C12orf42: variants seen among roughly 807,000 people sequenced by gnomAD.
C12orf42 encodes the protein chromosome 12 open reading frame 42, also known as uncharacterized protein C12orf42.
C12orf42 carries 25 observed loss-of-function variants against 21.6 expected under a neutral mutation model. The ratio of observed to expected loss-of-function variants is 1.16; its 90% CI spans 0.84 to 1.62. The LOEUF is 1.62. Among genes scored for constraint, C12orf42 ranks in the 40% most tolerant of loss-of-function variants. The pLI is 0.00. For missense variants in C12orf42, 483 were observed against 459.3 expected (o/e 1.05, Z -0.47); for synonymous variants, 174 against 175.0 (o/e 0.99, Z 0.05).
intron 3 of C12orf42, among the ~76,000 whole-genome samples, chr12:103,390,871 T>C (rs1008885445): frequency 2.6e-5 from 4 of 152,192 alleles, no homozygotes; most frequent in African/African-American, 9.7e-5. Flanking sequence ...CCCACCCCCA[T>C]TGATAAGGAC....
At chr12:103,456,625 A>C (rs181370759) in intron 2 of C12orf42, among the ~76,000 whole-genome samples, 1 of 152,296 alleles carries the variant, frequency 6.6e-6, no homozygotes, top group East Asian at 1.9e-4. Context: ...TTATTAGCAA[A>C]ATATAAAGTA....
chr12:103,227,155 G>A, the C12orf42 span, among the ~76,000 whole-genome samples: 1 of 152,052 alleles, frequency 6.6e-6, no homozygotes, highest in East Asian at 1.9e-4. Context: ...TTGGAAGGCT[G>A]CCCATAGTGA....
chr12:103,146,155 T>C, the C12orf42 span, among the ~76,000 whole-genome samples: 2 of 152,092 alleles, frequency 1.3e-5, no homozygotes, highest in African/African-American at 4.8e-5. Flanking sequence ...AATTAAAACA[T>C]AATAAAAGTT....
At chr12:103,110,584 C>CT in the C12orf42 span, among the ~76,000 whole-genome samples, 67 of 152,020 alleles carry the variant, frequency 4.4e-4, no homozygotes, top group Non-Finnish European at 8.4e-4. Flanking sequence ...ACTTTCTGAG[C>CT]TTTTTTTAAG....
At chr12:103,333,888 C>A (rs1443506784) in intron 4 of C12orf42, among the ~76,000 whole-genome samples, 2 of 152,200 alleles carry the variant, frequency 1.3e-5, no homozygotes, top group Non-Finnish European at 2.9e-5. Context: ...AGACCATGAA[C>A]AATGCCTCAT....
chr12:103,100,124 C>T, the C12orf42 span, among the ~76,000 whole-genome samples: 1 of 152,352 alleles, frequency 6.6e-6, no homozygotes, highest in South Asian at 2.1e-4. Context: ...GTACTGTTCT[C>T]TGTCTGTTCA....
At chr12:103,201,609 A>T in the C12orf42 span, among the ~76,000 whole-genome samples, 1 of 152,174 alleles carries the variant, frequency 6.6e-6, no homozygotes, top group Non-Finnish European at 1.5e-5. Flanking sequence ...GTCAAGGTTG[A>T]GTTCTTCAGC....
chr12:103,447,286 T>C lies in C12orf42; in HGVS notation c.78+31063A>G, dbSNP rs183629778. Among the ~76,000 whole-genome samples the C allele has an allele frequency of 1.1e-4, 17 of 151,640 alleles. No individual in the cohort carries two copies. In the East Asian group the frequency reaches 2.1e-3, roughly 19 times the overall value. On this transcript the variant is annotated intron_variant, in intron 2 of 5. Transcript: ENST00000548883. The stretch of plus-strand genomic sequence containing the variant: ...CACTGGGTCAACAATGAAATCAAGA[T>C]GGAAGGTAAGGTAATAAAAGCCATC...
chr12:103,148,886 C>T, the C12orf42 span, among the ~76,000 whole-genome samples: 1 of 152,082 alleles, frequency 6.6e-6, no homozygotes, highest in African/African-American at 2.4e-5. Flanking sequence ...GTATATGCAT[C>T]CAGAAAATTA....
the C12orf42 span, among the ~76,000 whole-genome samples, chr12:103,139,109 CAAAA>C: frequency 4.6e-5 from 7 of 152,222 alleles, no homozygotes; most frequent in East Asian, 1.2e-3. Flanking sequence ...TACTAACAAA[CAAAA>C]AGAAATAATA....
Position 103,378,119 on chromosome 12 carries a change from A to C in C12orf42, c.148-9121T>G, listed in dbSNP as rs6539071. Among the ~76,000 whole-genome samples the C allele has an allele frequency of 6.3e-3, 960 of 152,078 alleles. 12 individuals carry two copies. The highest frequency in any genetic ancestry group is 0.021 in the African/African-American group (878 of 41,488). On this transcript the variant is annotated intron_variant, in intron 3 of 5. Coordinates refer to ENST00000548883, the MANE Select transcript of C12orf42 (RefSeq NM_198521.5). ...GACCTGGCTATTCCAGCTCCTACAC[A>C]ACCACCAAAAGGACTCAATAAATTT...
At chr12:103,226,480 A>T in the C12orf42 span, among the ~76,000 whole-genome samples, 1 of 152,176 alleles carries the variant, frequency 6.6e-6, no homozygotes, top group South Asian at 2.1e-4. Flanking sequence ...ACTGGGCTGG[A>T]TTTTTATATT....
At chr12:103,135,984 C>A in the C12orf42 span, among the ~76,000 whole-genome samples, 1 of 152,086 alleles carries the variant, frequency 6.6e-6, no homozygotes, top group African/African-American at 2.4e-5. Context: ...AGTCTTTCCT[C>A]TAAGATCTGA....
At chr12:103,050,040 G>A in the C12orf42 span, among the ~76,000 whole-genome samples, 1 of 152,146 alleles carries the variant, frequency 6.6e-6, no homozygotes, top group African/African-American at 2.4e-5. Flanking sequence ...TACATCAGAG[G>A]AGAGACTTTG....
At chr12:103,190,519 T>C in the C12orf42 span, among the ~76,000 whole-genome samples, 7 of 152,094 alleles carry the variant, frequency 4.6e-5, no homozygotes, top group African/African-American at 1.4e-4. Context: ...TGGACATATA[T>C]CAATCCAAGC....
chr12:103,423,481 G>T (rs765886150), intron 2 of C12orf42, among the ~76,000 whole-genome samples: 19 of 152,288 alleles, frequency 1.2e-4, no homozygotes, highest in Non-Finnish European at 2.5e-4. Context: ...AGATAAGTGG[G>T]TTTTCTCTCC....
At chr12:103,095,702 G>C in the C12orf42 span, among the ~76,000 whole-genome samples, 3 of 152,120 alleles carry the variant, frequency 2.0e-5, no homozygotes, top group Non-Finnish European at 4.4e-5. Flanking sequence ...GTTTTTATCT[G>C]TTTTGTTCAA....
intron 10 of C12orf42, among the ~76,000 whole-genome samples, chr12:103,257,901 CA>C (rs888606106): frequency 8.6e-5 from 13 of 151,536 alleles, no homozygotes; most frequent in East Asian, 1.9e-4. Flanking sequence ...TGACCAATAT[CA>C]AAAAAAATTC....
rs966526947 is a variant in C12orf42, at chr12:103,306,278, G to C, written c.327C>G (p.Val109=). 2.5e-6 allele frequency: 4 copies of C among 1,613,704 alleles called. No individual in the cohort carries two copies. The highest frequency in any genetic ancestry group is 3.4e-6 in the Non-Finnish European group (4 of 1,179,778). The change falls in exon 5 of 6, where the codon GTC becomes GTG. Residue 109 remains valine, a synonymous_variant. Transcript: ENST00000548883. Reference sequence around the variant, plus strand: ...AAACTGTGCTTACAGAACACCTGGGGACTATGTACTGGCAAGTATGAAGTA... The same window carrying C: ...AAACTGTGCTTACAGAACACCTGGGCACTATGTACTGGCAAGTATGAAGTA... ...KRLLHTCQYI[V]PRCSVSTVSF...
Sources: gnomAD v4.1 joint callset for allele counts (sites outside exome capture counted in the v4.1 genomes callset) on GRCh38, gnomAD v4.1.1 for gene constraint, MANE v1.5 for transcripts, NCBI Gene and HGNC (gene_info 2026-07-23, HGNC 2026-07-21) for gene names.